The following FUT8 variants were observed in gnomAD, a reference collection of about 807,000 sequenced individuals.
FUT8 encodes alpha-(1,6)-fucosyltransferase.
A neutral mutation model predicts 71.3 loss-of-function variants in FUT8; 29 were observed. The observed-to-expected ratio is 0.41, with a 90% CI of 0.30 to 0.55. The LOEUF (loss-of-function observed/expected upper bound fraction) is 0.55, where lower values mean the gene tolerates loss of function less well. Among genes scored for constraint, FUT8 ranks in the 20% least tolerant of loss-of-function variants. FUT8 has a pLI of 0.34. For missense variants in FUT8, 544 were observed against 702.1 expected (o/e 0.77, Z 2.55); for synonymous variants, 254 against 239.3 (o/e 1.06, Z -0.57).
the FUT8 span, among the ~76,000 whole-genome samples, chr14:65,386,482 CCA>C: frequency 7.4e-6 from 1 of 135,202 alleles, no homozygotes; most frequent in Non-Finnish European, 1.5e-5. Context: ...CCAGCCTGGG[CCA>C]CAGAGTGAGA....
chr14:65,650,707 C>T (rs1236510131), intron 6 of FUT8, among the ~76,000 whole-genome samples: 16 of 118,968 alleles, frequency 1.3e-4, no homozygotes, highest in African/African-American at 5.4e-4. Flanking sequence ...CTGCTAATTA[C>T]AAAAAAAAAA....
At chr14:65,559,955 G>A (rs919977248) in intron 2 of FUT8, among the ~76,000 whole-genome samples, 2 of 152,150 alleles carry the variant, frequency 1.3e-5, no homozygotes, top group Non-Finnish European at 1.5e-5. Flanking sequence ...TTCTCAGCAA[G>A]TACAATTCTT....
chr14:65,414,622 A>G (rs995994447), intron 1 of FUT8, among the ~76,000 whole-genome samples: 6 of 152,206 alleles, frequency 3.9e-5, no homozygotes, highest in African/African-American at 1.2e-4. Context: ...AGCATTTGTA[A>G]TTGTGATTTC....
intron 7 of FUT8, among the ~76,000 whole-genome samples, chr14:65,698,329 A>T (rs1292597962): frequency 8.5e-5 from 13 of 152,212 alleles, no homozygotes; most frequent in Admixed American, 7.2e-4. Context: ...AACTGCCTGG[A>T]AAAGTGTACA....
chr14:65,601,943 CT>C (rs1305815412), intron 3 of FUT8, among the ~76,000 whole-genome samples: 4 of 151,578 alleles, frequency 2.6e-5, no homozygotes, highest in Non-Finnish European at 4.4e-5. Context: ...CAGATGTAAC[CT>C]TTTTTTTATC....
chr14:65,364,203 A>T, the FUT8 span, among the ~76,000 whole-genome samples: 1 of 150,932 alleles, frequency 6.6e-6, no homozygotes, highest in Non-Finnish European at 1.5e-5. Flanking sequence ...ATCCAAAACC[A>T]TTTTTTTTTG....
intron 1 of FUT8, among the ~76,000 whole-genome samples, chr14:65,431,313 T>C (rs978655322): frequency 6.8e-6 from 1 of 147,884 alleles, no homozygotes; most frequent in Non-Finnish European, 1.5e-5. Flanking sequence ...TTTTTTTTTT[T>C]TTTTTTCTCT....
Position 65,649,841 on chromosome 14 carries a change from T to TA in FUT8, c.598-19401dup, listed in dbSNP as rs1304773025. On this transcript the variant is annotated intron_variant, in intron 6 of 10. Coordinates refer to ENST00000673929, the MANE Select transcript of FUT8 (RefSeq NM_001371533.1). The stretch of plus-strand genomic sequence containing the variant: ...CAAATGCCTCTGAAAATACACTTAT[T>TA]AGTTTGCCAATAAATGAGTAATGTT... Among the ~76,000 whole-genome samples the TA allele has an allele frequency of 3.9e-5, 6 of 152,338 alleles. No individual in the cohort carries two copies. In the East Asian group the frequency reaches 1.2e-3, roughly 29 times the overall value.
chr14:65,442,837 AAATT>A (rs1208251879), intron 1 of FUT8, among the ~76,000 whole-genome samples: 1 of 151,568 alleles, frequency 6.6e-6, no homozygotes, highest in East Asian at 1.9e-4. Context: ...AAAAAAAAAA[AAATT>A]AAGAATACAG....
At chr14:65,591,850 T>G (rs1219568344) in intron 3 of FUT8, among the ~76,000 whole-genome samples, 1 of 151,820 alleles carries the variant, frequency 6.6e-6, no homozygotes, top group Non-Finnish European at 1.5e-5. Context: ...CTTTTTTTTT[T>G]TTTTTGGTGT....
At chr14:65,554,139 T>G (rs552103236) in intron 2 of FUT8, among the ~76,000 whole-genome samples, 2 of 152,176 alleles carry the variant, frequency 1.3e-5, no homozygotes, top group South Asian at 4.1e-4. Flanking sequence ...TTGAATAATA[T>G]CTATTTACCT....
the FUT8 span, among the ~76,000 whole-genome samples, chr14:65,386,518 A>G: frequency 1.5e-4 from 23 of 151,418 alleles, no homozygotes; most frequent in African/African-American, 5.6e-4. Context: ...AAAAAAAAAA[A>G]AAAAAAAAAA....
intron 7 of FUT8, among the ~76,000 whole-genome samples, chr14:65,674,371 G>T (rs1398787562): frequency 6.6e-6 from 1 of 152,074 alleles, no homozygotes; most frequent in Non-Finnish European, 1.5e-5. Context: ...CTGAACCTCA[G>T]TTTAGCTCTT....
intron 2 of FUT8, among the ~76,000 whole-genome samples, chr14:65,541,724 T>C (rs1317222620): frequency 6.6e-6 from 1 of 152,194 alleles, no homozygotes; most frequent in African/African-American, 2.4e-5. Context: ...GAAATGATGT[T>C]TTACCAGTGA....
At position 65,646,113 on chromosome 14, in the gene FUT8, T is replaced by A. The variant is rs373007956; in HGVS notation, c.597+16507T>A. 2.0e-5 allele frequency: 3 copies of A among 152,036 alleles called. No homozygotes were observed. The East Asian group carries it at 5.8e-4, about 29-fold the overall frequency. 9.4% of individuals were successfully genotyped at this position (152,036 alleles called of 1,614,324 possible). A position where few individuals can be genotyped will look rare whatever the true frequency, so the allele number is the denominator to read the frequency against. ...GATGGTGAAATTTTACAAAAACACA[T>A]CCAGGTAACATAGCACAAGCCTCTC... On this transcript the variant is annotated intron_variant, in intron 6 of 10. Transcript: ENST00000673929.
At chr14:65,433,818 C>CTCTT (rs60644294) in intron 1 of FUT8, among the ~76,000 whole-genome samples, 1 of 145,360 alleles carries the variant, frequency 6.9e-6, no homozygotes, top group Admixed American at 7.0e-5. Context: ...CTCTCTCTCT[C>CTCTT]GCTGTGTTGC....
At chr14:65,515,302 C>G (rs982310086) in intron 2 of FUT8, among the ~76,000 whole-genome samples, 9 of 151,944 alleles carry the variant, frequency 5.9e-5, no homozygotes, top group African/African-American at 2.2e-4. Context: ...TTGGGGGACT[C>G]TACAATAGCT....
the FUT8 span, among the ~76,000 whole-genome samples, chr14:65,405,507 T>C: frequency 6.6e-6 from 1 of 152,212 alleles, no homozygotes; most frequent in Non-Finnish European, 1.5e-5. Flanking sequence ...AAGTAATACA[T>C]CTAAAAATTT....
rs906384872 is a variant in FUT8, at chr14:65,566,792, G to A, written c.203+5026G>A. Among the ~76,000 whole-genome samples the A allele has an allele frequency of 5.3e-5, 8 of 151,860 alleles. No homozygotes were observed. The East Asian group carries it at 9.6e-4, about 18-fold the overall frequency. On this transcript the variant is annotated intron_variant, in intron 3 of 10. Coordinates refer to ENST00000673929, the MANE Select transcript of FUT8 (RefSeq NM_001371533.1). ...GGTATCATGTTAGAACACATGTAGTGGGCCTTTAAAAAATTTAGAAATTAT... is the reference window on the plus strand; with the variant it reads ...GGTATCATGTTAGAACACATGTAGTAGGCCTTTAAAAAATTTAGAAATTAT...
Sources: allele counts gnomAD v4.1 joint callset (sites outside exome capture counted in the v4.1 genomes callset), GRCh38; gene constraint gnomAD v4.1.1; transcripts MANE v1.5; gene names NCBI Gene and HGNC (gene_info 2026-07-23, HGNC 2026-07-21).